The following PLD4 variants were observed in gnomAD, a reference collection of about 807,000 sequenced individuals.
PLD4 encodes phospholipase D family member 4, also known as 5'-3' exonuclease PLD4.
A neutral mutation model predicts 52.3 loss-of-function variants in PLD4; 54 were observed. That is an observed-to-expected ratio of 1.03 (90% confidence interval 0.83 to 1.30). The LOEUF (loss-of-function observed/expected upper bound fraction) is 1.30. Ranked by LOEUF, PLD4 falls within the 50% of genes most tolerant of loss-of-function variation. The pLI is 0.00. For synonymous variants in PLD4, 264 were observed against 286.5 expected, an observed-to-expected ratio of 0.92 and a Z score of 0.79; for missense variants, 731 against 671.1, an observed-to-expected ratio of 1.09 and a Z score of -0.99.
At chr14:104,936,141 C>G (rs1481213784), downstream of PLD4, 2 of 152,260 alleles carry the variant, frequency 1.3e-5, no homozygotes, top group African/African-American at 4.8e-5. Context: ...ACAGCTGTCT[C>G]TCTGGCCTCT....
Position 104,928,795 on chromosome 14 carries a change from G to T in PLD4, c.331G>T (p.Gly111Cys), listed in dbSNP as rs372617011. The T allele has an allele frequency of 1.2e-6, 2 of 1,608,070 alleles. No homozygotes were observed. Among genetic ancestry groups the T allele is most frequent in the East Asian group, 2.2e-5 (1 of 44,682 alleles). ...CCCCCAGGACCTGCCATCTGCAGCC[G>T]GCAGCCCCTCTGCCCAGCCTCTGGG... ...SIPQDLPSAA[G>C]SPSAQPLGQA... is the part of the protein sequence containing the mutation. The change falls in exon 4 of 11, where the codon GGC becomes TGC. Residue 111 changes from glycine (G) to cysteine (C), a missense_variant. By Grantham distance (159) the Gly-to-Cys change is radical. Coordinates refer to ENST00000392593, the MANE Select transcript of PLD4 (RefSeq NM_138790.5).
chr14:104,930,607 A>G (rs1897609645), intron 6 of PLD4, 135 bp from the exon 7 acceptor site: 1 of 879,012 alleles, frequency 1.1e-6, no homozygotes, highest in South Asian at 1.6e-5. Flanking sequence ...AGATTCCTAC[A>G]GGCAATGCTT....
chr14:104,932,492 T>C lies in PLD4; in HGVS notation c.1321+137T>C. On this transcript the variant is annotated intron_variant, in intron 10 of 10. Coordinates refer to ENST00000392593, the MANE Select transcript of PLD4 (RefSeq NM_138790.5). This position sits in a 1 kb window ranked among gnomAD's most constrained non-coding sequence, Gnocchi z 6.5. ...AAGGGGGACGGGGTCTCCATGGAGTTCCGGGGACCAGGCCACCCGCCTGTC... is the reference window on the plus strand; with the variant it reads ...AAGGGGGACGGGGTCTCCATGGAGTCCCGGGGACCAGGCCACCCGCCTGTC... 2 of 1,031,824 alleles carry C rather than the reference T, an allele frequency of 1.9e-6. No homozygotes were observed. The highest frequency in any genetic ancestry group is 2.8e-6 in the Non-Finnish European group (2 of 713,400). 63.9% of individuals were successfully genotyped at this position (1,031,824 alleles called of 1,614,324 possible).
rs902249384 is a variant in PLD4 at position 104,924,986 on chromosome 14, C to CA, written c.-4dup. 2 of 152,614 alleles carry CA rather than the reference C, an allele frequency of 1.3e-5. No individual in the cohort carries two copies. The highest frequency in any genetic ancestry group is 1.3e-4 in the Admixed American group (2 of 15,284). The allele number at this position is 152,614 out of a possible 1,614,324, so 9.5% of individuals were successfully genotyped here. ...AGGATAGACACCAAGGCAGGACCCC[C>CA]AGAGGTATGTGCCAATGAGGCCAGG... On this transcript the variant is annotated 5_prime_UTR_variant, in exon 1 of 11. Transcript: ENST00000392593. This position sits in a 1 kb window ranked among gnomAD's most constrained non-coding sequence, Gnocchi z 4.4.
At chr14:104,928,556 G>A (rs2140798267) in intron 3 of PLD4, among the ~76,000 whole-genome samples, 193 bp from the exon 4 acceptor site, 1 of 152,316 alleles carries the variant, frequency 6.6e-6, no homozygotes, top group African/African-American at 2.4e-5. Flanking sequence ...AGCATGCTGG[G>A]CTCAGGCCCA....
chr14:104,935,471 T>C (rs1379961447), downstream of PLD4: 2 of 152,230 alleles, frequency 1.3e-5, no homozygotes, highest in East Asian at 1.9e-4. Flanking sequence ...GGTGCCACAA[T>C]GTGGCCCCTT....
intron 1 of PLD4, 114 bp from the exon 2 acceptor site, chr14:104,927,027 G>A (rs193199939): frequency 1.8e-5 from 17 of 931,262 alleles, no homozygotes; most frequent in Admixed American, 1.5e-4. Context: ...GGGGCTTTTG[G>A]GGGCTTATGT....
chr14:104,927,918 G>A, intron 3 of PLD4, 52 bp downstream of exon 3: 2 of 1,470,500 alleles, frequency 1.4e-6, no homozygotes, highest in Non-Finnish European at 1.8e-6. Context: ...TGGGGCTGCT[G>A]CCTGTGTTTC....
At chr14:104,929,262 G>A in intron 4 of PLD4, 45 bp from the exon 5 acceptor site, 3 of 1,576,668 alleles carry the variant, frequency 1.9e-6, no homozygotes, top group Non-Finnish European at 2.6e-6. Context: ...ATGCGGAGGA[G>A]AGGGCAGCCT....
At chr14:104,937,605 T>C (rs1226270451), downstream of PLD4, 1 of 158,202 alleles carries the variant, frequency 6.3e-6, no homozygotes, top group African/African-American at 2.4e-5. Context: ...TACCGCACTC[T>C]GCCTGAAATA....
In PLD4 at chr14:104,930,872, C is replaced by T. The variant is rs186388718; in HGVS notation, c.848C>T (p.Ser283Leu). The change falls in exon 7 of 11, where the codon TCA (serine) becomes TTA (leucine). Residue 283 changes from serine to leucine, a missense_variant. By Grantham distance (145) the Ser-to-Leu change is moderately radical. Coordinates refer to ENST00000392593, the MANE Select transcript of PLD4 (RefSeq NM_138790.5). The stretch of plus-strand genomic sequence containing the variant: ...CCCAAAACCTGGCCTCAGAACTTCT[C>T]ATCTCACTTCAACCGTTTCCAGCCC... ...VLPKTWPQNF[S>L]SHFNRFQPFH... 3.3e-4 allele frequency: 525 copies of T among 1,613,584 alleles called. 3 individuals are homozygous for T. In the African/African-American group the frequency reaches 6.2e-3, roughly 19 times the overall value.
At position 104,931,757 on chromosome 14, in the gene PLD4, C is replaced by CCAG. The variant is rs1293165853; in HGVS notation, c.931_933dup (p.Ala311dup). 6.3e-7 allele frequency: 1 copy of CCAG among 1,588,178 alleles called. No homozygotes were observed. Among genetic ancestry groups the CCAG allele is most frequent in the Admixed American group, 1.8e-5 (1 of 56,918 alleles). Reference sequence around the variant, plus strand: ...TTCTCTCCCGTCACAGGCGTCGCCACCAGCACTCTGTCCCCAGGGCCGCAC... The same window carrying CCAG: ...TTCTCTCCCGTCACAGGCGTCGCCACCAGCAGCACTCTGTCCCCAGGGCCGCAC... On this transcript the variant is annotated inframe_insertion, in exon 8 of 11. Transcript: ENST00000392593.
Position 104,928,878 on chromosome 14 carries a change from C to T in PLD4, c.414C>T (p.Tyr138=). 1.9e-6 allele frequency: 3 copies of T among 1,611,294 alleles called. No homozygotes were observed. Among genetic ancestry groups the T allele is most frequent in the Non-Finnish European group, 2.5e-6 (3 of 1,178,520 alleles). Residue 138 remains tyrosine (Y), a synonymous_variant, in exon 4 of 11, where the codon TAC becomes TAT. Coordinates refer to ENST00000392593, the MANE Select transcript of PLD4 (RefSeq NM_138790.5). ...TAQESVHVAS[Y]YWSLTGPDIG... Reference sequence around the variant, plus strand: ...AGGAGAGCGTCCACGTGGCTTCATACTACTGGTCCCTCACAGGGCCTGACA... The same window carrying T: ...AGGAGAGCGTCCACGTGGCTTCATATTACTGGTCCCTCACAGGGCCTGACA...
At chr14:104,930,686 G>T (rs1897611929) in intron 6 of PLD4, 56 bp from the exon 7 acceptor site, 4 of 1,585,692 alleles carry the variant, frequency 2.5e-6, no homozygotes, top group Non-Finnish European at 3.5e-6. Flanking sequence ...GTGGAGTGGG[G>T]TGGAGGCCCC....
At chr14:104,927,607 A>G (rs904795286) in intron 2 of PLD4, 66 bp from the exon 3 acceptor site, 24 of 1,463,846 alleles carry the variant, frequency 1.6e-5, no homozygotes, top group Middle Eastern at 2.4e-4. Context: ...TGGAGGGGCC[A>G]TCGTGGCCCA....
At chr14:104,926,356 G>T (rs893139886) in intron 1 of PLD4, among the ~76,000 whole-genome samples, 1 of 152,192 alleles carries the variant, frequency 6.6e-6, no homozygotes, top group African/African-American at 2.4e-5. Context: ...GGCACCTGGG[G>T]CAGCCTGACT....
chr14:104,932,748 C>A lies in PLD4; in HGVS notation c.1322-17C>A. The A allele has an allele frequency of 6.6e-7, 1 of 1,525,894 alleles. No individual in the cohort carries two copies. The highest frequency in any genetic ancestry group is 1.4e-5 in the African/African-American group (1 of 72,892). The allele number at this position is 1,525,894 out of a possible 1,614,324, so 94.5% of individuals were successfully genotyped here. ...GTGGGAGCCGGCGCCCCAGTGTCTCCTCCATCCTCCCCGCAGGCACCTCCA... is the reference window on the plus strand; with the variant it reads ...GTGGGAGCCGGCGCCCCAGTGTCTCATCCATCCTCCCCGCAGGCACCTCCA... On this transcript the variant is annotated splice_polypyrimidine_tract_variant and intron_variant, in intron 10 of 10. Transcript: ENST00000392593. The surrounding 1 kb of genome is among the most constrained non-coding windows in gnomAD (Gnocchi z 6.5).
At chr14:104,933,844 C>G (rs865793998), downstream of PLD4, 1 of 3,404 alleles carries the variant, frequency 2.9e-4, no homozygotes, top group Non-Finnish European at 4.6e-4. Flanking sequence ...CTGAGGGGAC[C>G]GGGAGGGCGG....
chr14:104,933,275 A>C, downstream of PLD4: 9 of 284,830 alleles, frequency 3.2e-5, no homozygotes, highest in East Asian at 5.8e-5. Flanking sequence ...GCGGCCCTTC[A>C]TCCTCTTGCC....
Sources: gnomAD v4.1 joint callset for allele counts (sites outside exome capture counted in the v4.1 genomes callset) on GRCh38, gnomAD v4.1.1 for gene constraint, Gnocchi (gnomAD v3.1) non-coding constraint, MANE v1.5 for transcripts, NCBI Gene and HGNC (gene_info 2026-07-23, HGNC 2026-07-21) for gene names.